The following TSEN54 variants were observed in gnomAD, a reference collection of about 807,000 sequenced individuals.
The protein encoded by TSEN54 is tRNA-splicing endonuclease subunit Sen54.
In TSEN54, 55 loss-of-function variants were observed where a neutral mutation model predicts 61.9. That is an observed-to-expected ratio of 0.89 (90% CI 0.72 to 1.11). The LOEUF (loss-of-function observed/expected upper bound fraction) is 1.11. Ranked by LOEUF, TSEN54 falls within the 50% of genes most tolerant of loss-of-function variation. The pLI, the probability that TSEN54 is intolerant of heterozygous loss-of-function variation, is 0.00. For missense variants in TSEN54, 760 were observed against 687.7 expected, an observed-to-expected ratio of 1.11 and a Z score of -1.18; for synonymous variants, 304 against 288.7, an observed-to-expected ratio of 1.05 and a Z score of -0.54.
In TSEN54 at chr17:75,517,702, A is replaced by T. The variant is rs201404842; in HGVS notation, c.468+47A>T. ...CCGGGAGCCACCCATCCACTGAATC[A>T]ATGAGTATTGACAAGTACCCATAAG... On this transcript the variant is annotated intron_variant, in intron 5 of 10. Transcript: ENST00000333213. 1.1e-3 allele frequency: 1,675 copies of T among 1,505,300 alleles called. 2 individuals carry two copies. The highest frequency in any genetic ancestry group is 1.5e-3 in the Non-Finnish European group (1,578 of 1,083,752). The allele number at this position is 1,505,300 out of a possible 1,614,324, so 93.2% of individuals were successfully genotyped here. A position where few individuals can be genotyped will look rare whatever the true frequency, so the allele number is the denominator to read the frequency against.
rs747473621 is a variant in TSEN54, at chr17:75,521,391, G to C, written c.522-18G>C. The C allele has an allele frequency of 1.2e-6, 2 of 1,610,630 alleles. No individual in the cohort carries two copies. Among genetic ancestry groups the C allele is most frequent in the Admixed American group, 3.3e-5 (2 of 60,012 alleles). On this transcript the variant is annotated intron_variant, in intron 6 of 10. Transcript: ENST00000333213. Reference sequence around the variant, plus strand: ...GAGGAGGTGGGTCAGTGGCCCACCCGCTGTTCTCACCCCACAGCTCTGTCC... The same window carrying C: ...GAGGAGGTGGGTCAGTGGCCCACCCCCTGTTCTCACCCCACAGCTCTGTCC...
chr17:75,517,392 G>A, intron 4 of TSEN54, 148 bp downstream of exon 4: 1 of 1,177,594 alleles, frequency 8.5e-7, no homozygotes, highest in Admixed American at 1.8e-5. Flanking sequence ...CAGGGAGCAG[G>A]GATTCCAGTC....
In TSEN54 at chr17:75,517,082, G is replaced by A. The variant is rs781213020; in HGVS notation, c.285+10G>A. ...GTTGAAGTCTCCCGCGGTGAGCGGC[G>A]GGCTCGGGGACCGGGGACCGCCCTC... On this transcript the variant is annotated intron_variant, in intron 3 of 10. Coordinates refer to ENST00000333213, the MANE Select transcript of TSEN54 (RefSeq NM_207346.3). The A allele has an allele frequency of 1.9e-6, 3 of 1,590,524 alleles. No homozygotes were observed. Among genetic ancestry groups the A allele is most frequent in the South Asian group, 2.3e-5 (2 of 87,880 alleles).
chr17:75,516,557 C>T lies in TSEN54; in HGVS notation c.-4C>T. On this transcript the variant is annotated 5_prime_UTR_variant, in exon 1 of 11. Coordinates refer to ENST00000333213, the MANE Select transcript of TSEN54 (RefSeq NM_207346.3). ...CGGCGCGCGCAGCGGCAGGCGGCGG[C>T]GGGATGGAGCCCGAGCCCGAGCCCG... 1.8e-6 allele frequency: 2 copies of T among 1,117,532 alleles called. No homozygotes were observed. The highest frequency in any genetic ancestry group is 2.2e-6 in the Non-Finnish European group (2 of 914,732). 69.2% of individuals were successfully genotyped at this position (1,117,532 alleles called of 1,614,324 possible).
Position 75,523,768 on chromosome 17 carries a change from G to A in TSEN54, c.1419G>A (p.Met473Ile), listed in dbSNP as rs776603642. 4.3e-6 allele frequency: 7 copies of A among 1,613,870 alleles called. No homozygotes were observed. Among genetic ancestry groups the A allele is most frequent in the Admixed American group, 1.7e-5 (1 of 60,004 alleles). Residue 473 changes from methionine to isoleucine, a missense_variant, in exon 10 of 11, where the codon ATG (methionine) becomes ATA (isoleucine). Transcript: ENST00000333213. ...ACCCTGGCAAACCCTATGCCCGGAT[G>A]TGCATTAGTGGGTACGCAGTGAGCC... ...KNNPGKPYARMCISGFDEPVP... is the reference protein window; with the variant it reads ...KNNPGKPYARICISGFDEPVP...
In TSEN54 at chr17:75,516,832, C is replaced by G. The variant is rs1479320072; in HGVS notation, c.143C>G (p.Ser48Trp). The G allele has an allele frequency of 2.5e-6, 4 of 1,590,136 alleles. No homozygotes were observed. The highest frequency in any genetic ancestry group is 3.4e-6 in the Non-Finnish European group (4 of 1,175,260). The change falls in exon 2 of 11, where the codon TCG (serine) becomes TGG (tryptophan). Residue 48 changes from serine to tryptophan, a missense_variant. By Grantham distance (177) the Ser-to-Trp change is radical. Coordinates refer to ENST00000333213, the MANE Select transcript of TSEN54 (RefSeq NM_207346.3). ...CCCAAGGACTTTCTGCCCGACGGCT[C>G]GGCAGCTCAGGCCGAGCGGCTGCGC... ...HGPKDFLPDGSAAQAERLRRC... is the reference protein window; with the variant it reads ...HGPKDFLPDGWAAQAERLRRC...
intron 10 of TSEN54, 100 bp from the exon 11 acceptor site, chr17:75,524,162 T>A: frequency 6.5e-7 from 1 of 1,549,226 alleles, no homozygotes; most frequent in Non-Finnish European, 8.9e-7. Flanking sequence ...GGGTCAGAAT[T>A]CTTGCACCCC....
intron 8 of TSEN54, 99 bp from the exon 9 acceptor site, chr17:75,523,176 T>G (rs1227469264): frequency 9.8e-6 from 15 of 1,536,850 alleles, no homozygotes; most frequent in Non-Finnish European, 1.3e-5. Context: ...GAGACTCCGT[T>G]TAAAAAAAAA....
intron 6 of TSEN54, among the ~76,000 whole-genome samples, chr17:75,521,183 C>T (rs2147012317): frequency 6.6e-6 from 1 of 152,348 alleles, no homozygotes; most frequent in Middle Eastern, 3.4e-3. Context: ...TCTATATTTA[C>T]CAAGTTTGCT....
chr17:75,519,104 A>G, intron 6 of TSEN54, 57 bp downstream of exon 6: 1 of 1,598,676 alleles, frequency 6.3e-7, no homozygotes, highest in Non-Finnish European at 8.6e-7. Flanking sequence ...CTGGCTGACT[A>G]GTCTAAGGTA....
Position 75,524,497 on chromosome 17 carries a change from C to G in TSEN54, c.*85C>G, listed in dbSNP as rs778876827. 2.6e-6 allele frequency: 4 copies of G among 1,553,396 alleles called. No individual in the cohort carries two copies. Among genetic ancestry groups the G allele is most frequent in the Non-Finnish European group, 3.5e-6 (4 of 1,133,132 alleles). On this transcript the variant is annotated 3_prime_UTR_variant, in exon 11 of 11. Coordinates refer to ENST00000333213, the MANE Select transcript of TSEN54 (RefSeq NM_207346.3). The stretch of plus-strand genomic sequence containing the variant: ...GGACCATCTCGGCTGCCTCCTGTAC[C>G]CAGACTCTAACCTGTAGCTTCAGAG...
At position 75,520,954 on chromosome 17, in the gene TSEN54, CA is replaced by C. The variant is rs74269590; in HGVS notation, c.522-439del. Among the ~76,000 whole-genome samples, 576 of 94,998 alleles carry C rather than the reference CA, an allele frequency of 6.1e-3. 3 individuals carry two copies. The highest frequency in any genetic ancestry group is 0.015 in the African/African-American group (412 of 27,392). The allele number at this position is 94,998 out of a possible 152,430, so 62.3% of individuals were successfully genotyped here. ...CCGGTGAGAGAACGAGACTGTGTCT[CA>C]AAAAAAAAAAAAAAAGAAAAAGGAA... is the stretch of plus-strand genomic sequence containing the variant. On this transcript the variant is annotated intron_variant, in intron 6 of 10. Coordinates refer to ENST00000333213, the MANE Select transcript of TSEN54 (RefSeq NM_207346.3).
Position 75,523,763 on chromosome 17 carries a change from CG to C in TSEN54, c.1416del (p.Met473CysfsTer28). ...GAATAACCCTGGCAAACCCTATGCCCGGATGTGCATTAGTGGGTACGCAGTG... is the reference window on the plus strand; with the variant it reads ...GAATAACCCTGGCAAACCCTATGCCCGATGTGCATTAGTGGGTACGCAGTG... ...RKNNPGKPYA[R>X]MCISGFDEPV... On this transcript the variant is annotated frameshift_variant, in exon 10 of 11. Transcript: ENST00000333213. LOFTEE classifies it high-confidence loss of function. The C allele has an allele frequency of 6.2e-7, 1 of 1,613,898 alleles. No homozygotes were observed. Among genetic ancestry groups the C allele is most frequent in the Non-Finnish European group, 8.5e-7 (1 of 1,179,900 alleles).
chr17:75,518,839 G>C (rs570049965), intron 5 of TSEN54, 156 bp from the exon 6 acceptor site: 2 of 985,270 alleles, frequency 2.0e-6, no homozygotes, highest in Admixed American at 6.1e-5. Flanking sequence ...GATGGTGTTC[G>C]TAATGAAGCA....
chr17:75,517,292 G>T, intron 4 of TSEN54, 48 bp downstream of exon 4: 1 of 1,552,166 alleles, frequency 6.4e-7, no homozygotes, highest in Non-Finnish European at 8.7e-7. Flanking sequence ...CAAAGAACGG[G>T]AAGGACACGT....
chr17:75,522,816 G>T, intron 8 of TSEN54: 1 of 259,972 alleles, frequency 3.8e-6, no homozygotes, highest in Non-Finnish European at 7.3e-6. Context: ...AGTTTGATTT[G>T]ACTTTCAGTA....
chr17:75,524,640 C>T lies in TSEN54; in HGVS notation c.*228C>T, dbSNP rs2053484188. 4.6e-6 allele frequency: 3 copies of T among 655,680 alleles called. No individual in the cohort carries two copies. Among genetic ancestry groups the T allele is most frequent in the Non-Finnish European group, 8.3e-6 (3 of 361,454 alleles). The allele number at this position is 655,680 out of a possible 1,614,324, so 40.6% of individuals were successfully genotyped here. A position where few individuals can be genotyped will look rare whatever the true frequency, so the allele number is the denominator to read the frequency against. Reference sequence around the variant, plus strand: ...AACTCAGGACTCGATTTTAAGGACCCAGGAGGTGGGGCAGAAGAGAGGACT... The same window carrying T: ...AACTCAGGACTCGATTTTAAGGACCTAGGAGGTGGGGCAGAAGAGAGGACT... On this transcript the variant is annotated 3_prime_UTR_variant, in exon 11 of 11. Transcript: ENST00000333213.
chr17:75,522,535 G>A, intron 8 of TSEN54: 1 of 1,443,050 alleles, frequency 6.9e-7, no homozygotes, highest in East Asian at 2.5e-5. Context: ...AGTCAGGAGA[G>A]GTAAGGAGGG....
Position 75,522,272 on chromosome 17 carries a change from C to T in TSEN54, c.1191C>T (p.Ala397=). ...AGGTGCAGAGGAGCCAGCGCCGGGC[C>T]CCTCACCTGTGGGGCCAGCCCGTCA... ...RRQVQRSQRR[A]PHLWGQPVTP... is the part of the protein sequence containing the mutation. The change falls in exon 8 of 11, where the codon GCC becomes GCT. Residue 397 remains alanine, a synonymous_variant. Transcript: ENST00000333213. 2 of 1,546,778 alleles carry T rather than the reference C, an allele frequency of 1.3e-6. No homozygotes were observed. Among genetic ancestry groups the T allele is most frequent in the Non-Finnish European group, 1.7e-6 (2 of 1,146,512 alleles).
Sources: gnomAD v4.1 joint callset for allele counts (sites outside exome capture counted in the v4.1 genomes callset) on GRCh38, gnomAD v4.1.1 for gene constraint, MANE v1.5 for transcripts, NCBI Gene and HGNC (gene_info 2026-07-23, HGNC 2026-07-21) for gene names.